The following GPSM2 variants were observed in gnomAD, a reference collection of about 807,000 sequenced individuals.
The protein encoded by GPSM2 is G protein-signaling modulator 2.
Under a neutral mutation model 78.4 loss-of-function variants are expected in GPSM2, and 58 were observed. That is an observed-to-expected ratio of 0.74 (90% CI 0.60 to 0.92). The LOEUF is 0.92. Ranked by LOEUF, GPSM2 falls within the 40% of genes least tolerant of loss-of-function variation. The probability of loss-of-function intolerance (pLI) is 0.00; values close to 1 mark genes in which losing one functional copy is unlikely to be tolerated. For synonymous variants in GPSM2, 224 were observed against 280.2 expected, an observed-to-expected ratio of 0.80 and a Z score of 2.00; for missense variants, 700 against 815.5, an observed-to-expected ratio of 0.86 and a Z score of 1.73.
chr1:108,928,061 A>C (rs1651275787), intron 14 of GPSM2, among the ~76,000 whole-genome samples: 1 of 152,240 alleles, frequency 6.6e-6, no homozygotes, highest in Non-Finnish European at 1.5e-5. Flanking sequence ...ACAACAACGT[A>C]GACAAATTGG....
rs1650007536 is a variant in GPSM2, at chr1:108,914,324, T to C, written c.1193-14T>C. ...GCTCCCTGGTTTATTTGAATTAATT[T>C]TTTTTAAACAAAGGTGTACGCCCCA... On this transcript the variant is annotated splice_polypyrimidine_tract_variant and intron_variant, in intron 10 of 14. Coordinates refer to ENST00000264126, the MANE Select transcript of GPSM2 (RefSeq NM_013296.5). The C allele has an allele frequency of 1.9e-6, 3 of 1,587,530 alleles. No individual in the cohort carries two copies. The highest frequency in any genetic ancestry group is 2.6e-6 in the Non-Finnish European group (3 of 1,155,924).
In GPSM2 at chr1:108,897,527, G is replaced by A. The variant is rs1648465748; in HGVS notation, c.314G>A (p.Ser105Asn). The A allele has an allele frequency of 6.2e-7, 1 of 1,613,612 alleles. No homozygotes were observed. Among genetic ancestry groups the A allele is most frequent in the Non-Finnish European group, 8.5e-7 (1 of 1,179,832 alleles). The stretch of plus-strand genomic sequence containing the variant: ...GACCAGCTGGGGGAAGCGAAAGCTA[G>A]TGGTAATCTGGGAAACACCTTAAAA... ...IGDQLGEAKA[S>N]GNLGNTLKVL... Residue 105 changes from serine (S) to asparagine (N), a missense_variant, in exon 4 of 15, where the codon AGT (serine) becomes AAT (asparagine). Ser to Asn is a conservative substitution (Grantham distance 46). Transcript: ENST00000264126.
At position 108,931,258 on chromosome 1, in the gene GPSM2, G is replaced by A; in HGVS notation, c.*1318G>A. The stretch of plus-strand genomic sequence containing the variant: ...AAACTCACAAAAATTAAATATGAAA[G>A]AAAGATGTCAGCTAGAACCTTAGTT... On this transcript the variant is annotated 3_prime_UTR_variant, in exon 15 of 15. Transcript: ENST00000264126. The A allele has an allele frequency of 6.9e-7, 1 of 1,444,872 alleles. No individual in the cohort carries two copies. Among genetic ancestry groups the A allele is most frequent in the Non-Finnish European group, 9.2e-7 (1 of 1,091,462 alleles). 89.5% of individuals were successfully genotyped at this position (1,444,872 alleles called of 1,614,324 possible). A position where few individuals can be genotyped will look rare whatever the true frequency, so the allele number is the denominator to read the frequency against.
chr1:108,934,149 AACT>A lies in GPSM2; in HGVS notation c.*4212_*4214del, dbSNP rs1191658008. On this transcript the variant is annotated 3_prime_UTR_variant, in exon 15 of 15. Transcript: ENST00000264126. Reference sequence around the variant, plus strand: ...GTAGTAATAGCTGTGGAAAAGATGAAACTACAGCCACAGTGACCTGTGGGCAGC... The same window carrying A: ...GTAGTAATAGCTGTGGAAAAGATGAAACAGCCACAGTGACCTGTGGGCAGC... 1 of 153,226 alleles carries A rather than the reference AACT, an allele frequency of 6.5e-6. No individual in the cohort carries two copies. Among genetic ancestry groups the A allele is most frequent in the Non-Finnish European group, 1.5e-5 (1 of 68,798 alleles). 9.5% of individuals were successfully genotyped at this position (153,226 alleles called of 1,614,324 possible). A position where few individuals can be genotyped will look rare whatever the true frequency, so the allele number is the denominator to read the frequency against.
At chr1:108,877,594 T>G (rs892334874) in intron 1 of GPSM2, 3 of 151,634 alleles carry the variant, frequency 2.0e-5, no homozygotes, top group Non-Finnish European at 4.4e-5. Flanking sequence ...AAATTGTGAA[T>G]CAAAGCCCGA....
chr1:108,888,183 C>T (rs1199026076), intron 2 of GPSM2, among the ~76,000 whole-genome samples: 3 of 152,212 alleles, frequency 2.0e-5, no homozygotes, highest in African/African-American at 7.2e-5. Flanking sequence ...TCCTGAGTAG[C>T]TGGGACTACA....
chr1:108,883,493 A>G (rs781211627), intron 1 of GPSM2, among the ~76,000 whole-genome samples: 37 of 152,246 alleles, frequency 2.4e-4, no homozygotes, highest in Non-Finnish European at 4.6e-4. Context: ...TAGCTGCTTT[A>G]TGACCTATGT....
intron 11 of GPSM2, among the ~76,000 whole-genome samples, chr1:108,916,721 A>G (rs1211838025): frequency 6.6e-6 from 1 of 152,244 alleles, no homozygotes; most frequent in Non-Finnish European, 1.5e-5. Flanking sequence ...GCCAAGTGAT[A>G]AAATTCTATC....
Position 108,928,784 on chromosome 1 carries a change from T to C in GPSM2, c.1816-917T>C, listed in dbSNP as rs572537465. Among the ~76,000 whole-genome samples, 97 of 151,940 alleles carry C rather than the reference T, an allele frequency of 6.4e-4. 2 individuals carry two copies. The highest frequency in any genetic ancestry group is 3.4e-3 in the Middle Eastern group (1 of 294). The stretch of plus-strand genomic sequence containing the variant: ...CGGGTGGATCACTTGAGGTCAAGAG[T>C]TCGAGACCAGCCTGGCCAACATGGT... On this transcript the variant is annotated intron_variant, in intron 14 of 14. Coordinates refer to ENST00000264126, the MANE Select transcript of GPSM2 (RefSeq NM_013296.5).
In GPSM2 at chr1:108,931,536, A is replaced by G. The variant is rs949232362; in HGVS notation, c.*1596A>G. 6.2e-5 allele frequency: 94 copies of G among 1,512,820 alleles called. No individual in the cohort carries two copies. The highest frequency in any genetic ancestry group is 8.1e-5 in the Non-Finnish European group (91 of 1,125,628). 93.7% of individuals were successfully genotyped at this position (1,512,820 alleles called of 1,614,324 possible). The stretch of plus-strand genomic sequence containing the variant: ...CCCCTATTCTTTCAAAAAGTCATTC[A>G]GGTGATTTGGATGGGCAAATAGAAC... On this transcript the variant is annotated 3_prime_UTR_variant, in exon 15 of 15. Transcript: ENST00000264126.
intron 11 of GPSM2, among the ~76,000 whole-genome samples, chr1:108,916,005 G>A (rs948919711): frequency 4.6e-5 from 7 of 151,100 alleles, no homozygotes; most frequent in African/African-American, 1.5e-4. Flanking sequence ...ACTTTGGGAG[G>A]CTGAGGCAGG....
At chr1:108,900,343 G>A (rs560055711) in intron 7 of GPSM2, among the ~76,000 whole-genome samples, 5 of 151,314 alleles carry the variant, frequency 3.3e-5, no homozygotes, top group African/African-American at 1.2e-4. Context: ...CGGTTCAAGC[G>A]ATTCTCCTGC....
rs748426701 is a variant in GPSM2 at position 108,929,986 on chromosome 1, A to AAT, written c.*47_*48dup. The AAT allele has an allele frequency of 4.5e-6, 7 of 1,550,802 alleles. No individual in the cohort carries two copies. In the African/African-American group the frequency reaches 9.6e-5, roughly 21 times the overall value. On this transcript the variant is annotated 3_prime_UTR_variant, in exon 15 of 15. Coordinates refer to ENST00000264126, the MANE Select transcript of GPSM2 (RefSeq NM_013296.5). ...TTCCTTTCAAACACGGTAAGGAAAC[A>AAT]ATCTATTACTTTTTTCCTTAAAAGG...
chr1:108,926,301 G>A (rs1048118082), intron 14 of GPSM2: 1 of 152,142 alleles, frequency 6.6e-6, no homozygotes, highest in Non-Finnish European at 1.5e-5. Flanking sequence ...GGAGAGAATG[G>A]TAGTTGAAGA....
chr1:108,880,075 A>G (rs1050551485), intron 1 of GPSM2, among the ~76,000 whole-genome samples: 1 of 152,188 alleles, frequency 6.6e-6, no homozygotes, highest in Non-Finnish European at 1.5e-5. Context: ...CTTGCTTCCA[A>G]AAAGTTTTCC....
chr1:108,930,291 C>T lies in GPSM2; in HGVS notation c.*351C>T, dbSNP rs188296554. 1.7e-3 allele frequency: 335 copies of T among 195,594 alleles called. 1 individual carries two copies. Among genetic ancestry groups the T allele is most frequent in the African/African-American group, 7.2e-3 (310 of 42,796 alleles). The allele number at this position is 195,594 out of a possible 1,614,324, so 12.1% of individuals were successfully genotyped here. ...AATAATTTTTTAACATCTTAATTGACAATGGCGTTTTTTTATACATAACCA... is the reference window on the plus strand; with the variant it reads ...AATAATTTTTTAACATCTTAATTGATAATGGCGTTTTTTTATACATAACCA... On this transcript the variant is annotated 3_prime_UTR_variant, in exon 15 of 15. Coordinates refer to ENST00000264126, the MANE Select transcript of GPSM2 (RefSeq NM_013296.5).
At chr1:108,878,947 A>ATTGC (rs1214218956) in intron 1 of GPSM2, among the ~76,000 whole-genome samples, 3 of 152,248 alleles carry the variant, frequency 2.0e-5, no homozygotes, top group Non-Finnish European at 4.4e-5. Context: ...CACATGCTGT[A>ATTGC]TTGCTTCTGT....
chr1:108,931,382 G>T lies in GPSM2; in HGVS notation c.*1442G>T. On this transcript the variant is annotated 3_prime_UTR_variant, in exon 15 of 15. Transcript: ENST00000264126. The stretch of plus-strand genomic sequence containing the variant: ...TAACTGTAGCAAAAGACAAGTATGG[G>T]ACAGACTGGGACCTGGAGTAACACT... The T allele has an allele frequency of 6.4e-7, 1 of 1,551,192 alleles. No homozygotes were observed. The highest frequency in any genetic ancestry group is 8.7e-7 in the Non-Finnish European group (1 of 1,147,136).
chr1:108,908,658 A>T (rs1649449692), intron 10 of GPSM2, among the ~76,000 whole-genome samples: 1 of 147,006 alleles, frequency 6.8e-6, no homozygotes, highest in African/African-American at 2.6e-5. Flanking sequence ...CGACAGAGAG[A>T]GACTCCGTCT....
Sources: allele counts gnomAD v4.1 joint callset (sites outside exome capture counted in the v4.1 genomes callset), GRCh38; gene constraint gnomAD v4.1.1; transcripts MANE v1.5; gene names NCBI Gene and HGNC (gene_info 2026-07-23, HGNC 2026-07-21).